Variants in NEK10 observed in about 807,000 individuals in gnomAD.
NEK10 encodes the protein NIMA related kinase 10, also known as serine/threonine-protein kinase Nek10.
NEK10 carries 122 observed loss-of-function variants against 159.8 expected under a neutral mutation model. The ratio of observed to expected loss-of-function variants is 0.76; its 90% CI spans 0.66 to 0.89. The LOEUF is 0.89. Among genes scored for constraint, NEK10 ranks in the 40% least tolerant of loss-of-function variants. The pLI, the probability that NEK10 is intolerant of heterozygous loss-of-function variation, is 0.00. For synonymous variants in NEK10, 466 were observed against 457.1 expected, an observed-to-expected ratio of 1.02 and a Z score of -0.25; for missense variants, 1,342 against 1,323.1, an observed-to-expected ratio of 1.01 and a Z score of -0.22.
intron 25 of NEK10, among the ~76,000 whole-genome samples, chr3:27,196,203 C>G (rs558539582): frequency 6.6e-6 from 1 of 152,316 alleles, no homozygotes; most frequent in Non-Finnish European, 1.5e-5. Flanking sequence ...CTGTTCTGCT[C>G]TGTTCTGATT....
chr3:27,335,185 C>T (rs2046708173), intron 5 of NEK10, among the ~76,000 whole-genome samples: 1 of 151,858 alleles, frequency 6.6e-6, no homozygotes, highest in Non-Finnish European at 1.5e-5. Flanking sequence ...CTAAAAACTA[C>T]AAAAATTAGC....
chr3:27,337,347 T>C (rs1317259391), intron 5 of NEK10, among the ~76,000 whole-genome samples: 2 of 152,122 alleles, frequency 1.3e-5, no homozygotes, highest in Admixed American at 1.3e-4. Context: ...AGACATTCCA[T>C]GCTCGTGGAT....
chr3:27,143,114 C>A (rs749223427), intron 30 of NEK10, among the ~76,000 whole-genome samples: 15 of 152,046 alleles, frequency 9.9e-5, no homozygotes, highest in Non-Finnish European at 2.2e-4. Context: ...GTGGAGATGG[C>A]CAAGTGTACA....
intron 32 of NEK10, among the ~76,000 whole-genome samples, chr3:27,120,380 G>T (rs1575380655): frequency 6.6e-6 from 1 of 151,096 alleles, no homozygotes; most frequent in East Asian, 2.0e-4. Flanking sequence ...CTGCAGTGCA[G>T]TGGCACAATC....
intron 32 of NEK10, among the ~76,000 whole-genome samples, chr3:27,130,308 C>T (rs1341296519): frequency 3.9e-5 from 6 of 152,092 alleles, no homozygotes; most frequent in African/African-American, 7.2e-5. Context: ...CATCTCCTAC[C>T]ACCCTACCAA....
At chr3:27,139,960 G>A (rs1283105739) in intron 31 of NEK10, among the ~76,000 whole-genome samples, 9 of 152,120 alleles carry the variant, frequency 5.9e-5, no homozygotes, top group Admixed American at 2.0e-4. Context: ...GTATGACACC[G>A]AACGATACAT....
At chr3:27,338,003 G>C (rs773429810) in intron 5 of NEK10, among the ~76,000 whole-genome samples, 13 of 152,078 alleles carry the variant, frequency 8.5e-5, no homozygotes, top group Non-Finnish European at 1.5e-4. Flanking sequence ...GTGCAGGTTT[G>C]TTACATGGGT....
intron 29 of NEK10, among the ~76,000 whole-genome samples, chr3:27,167,597 T>C (rs527457921): frequency 6.6e-6 from 1 of 152,212 alleles, no homozygotes; most frequent in Non-Finnish European, 1.5e-5. Flanking sequence ...AATGTGTATA[T>C]ACTAGGTCAG....
intron 23 of NEK10, among the ~76,000 whole-genome samples, chr3:27,232,806 G>A (rs1953448998): frequency 6.6e-6 from 1 of 151,822 alleles, no homozygotes; most frequent in Admixed American, 6.6e-5. Flanking sequence ...AACATAAATT[G>A]GGGGAAAGGA....
intron 11 of NEK10, among the ~76,000 whole-genome samples, chr3:27,307,082 T>G (rs896403364): frequency 2.6e-5 from 4 of 152,236 alleles, no homozygotes; most frequent in African/African-American, 9.7e-5. Context: ...TCTTCTACAC[T>G]ACATATTTAT....
intron 22 of NEK10, among the ~76,000 whole-genome samples, chr3:27,271,190 TCTATCTAC>T (rs1308721293): frequency 2.7e-5 from 4 of 147,326 alleles, no homozygotes; most frequent in African/African-American, 5.0e-5. Context: ...TATCTATCTA[TCTATCTAC>T]CTATCTATCT....
intron 1 of NEK10, among the ~76,000 whole-genome samples, chr3:27,360,142 C>A (rs1448543845): frequency 2.0e-5 from 3 of 152,088 alleles, no homozygotes; most frequent in Non-Finnish European, 4.4e-5. Context: ...TGATTTTATC[C>A]CTTATATTAC....
rs1950042820 is a variant in NEK10, at chr3:27,201,517, T to A, written c.2284A>T (p.Ile762Phe). The A allele has an allele frequency of 6.2e-7, 1 of 1,613,684 alleles. No homozygotes were observed. The highest frequency in any genetic ancestry group is 1.1e-5 in the South Asian group (1 of 91,048). ...GIYSEKVTDT[I>F]SRCLTPDAEA... Reference sequence around the variant, plus strand: ...AGCCGCAAGACTAATTACCTGCTGATGGTGTCTGTTACTTTTTCAGAGTAG... The same window carrying A: ...AGCCGCAAGACTAATTACCTGCTGAAGGTGTCTGTTACTTTTTCAGAGTAG... The change falls in exon 25 of 36, where the codon ATC (isoleucine) becomes TTC (phenylalanine). Residue 762 changes from isoleucine (I) to phenylalanine (F), a missense_variant. Coordinates refer to ENST00000691995, the MANE Select transcript of NEK10 (RefSeq NM_001394966.1).
At chr3:27,208,581 T>C (rs778244259) in intron 23 of NEK10, among the ~76,000 whole-genome samples, 3 of 151,978 alleles carry the variant, frequency 2.0e-5, no homozygotes, top group Non-Finnish European at 4.4e-5. Context: ...TCAGAATTGA[T>C]TGGATGTGGG....
At chr3:27,153,843 C>T (rs750796761) in intron 30 of NEK10, among the ~76,000 whole-genome samples, 1 of 152,104 alleles carries the variant, frequency 6.6e-6, no homozygotes, top group East Asian at 1.9e-4. Flanking sequence ...TAAACAACTA[C>T]ATCGAAAAGA....
chr3:27,305,874 C>G (rs2044206957), intron 11 of NEK10, among the ~76,000 whole-genome samples: 1 of 152,132 alleles, frequency 6.6e-6, no homozygotes, highest in African/African-American at 2.4e-5. Context: ...GTTTCATACT[C>G]TAAACACTCC....
Position 27,352,447 on chromosome 3 carries a change from AT to A in NEK10, c.132+17del. The A allele has an allele frequency of 3.2e-6, 5 of 1,583,414 alleles. No individual in the cohort carries two copies. Among genetic ancestry groups the A allele is most frequent in the Non-Finnish European group, 3.5e-6 (4 of 1,152,382 alleles). On this transcript the variant is annotated intron_variant, in intron 3 of 35. Transcript: ENST00000691995. ...ATTTTTCTTTTATTACCAAGTGAAC[AT>A]TCTTTGAAAACGCTACCTGTTGTTT...
chr3:27,176,870 G>A (rs1343232419), intron 26 of NEK10, among the ~76,000 whole-genome samples: 3 of 152,134 alleles, frequency 2.0e-5, no homozygotes, highest in African/African-American at 7.2e-5. Flanking sequence ...TTATTCTGTC[G>A]ATGCAATTAA....
intron 5 of NEK10, among the ~76,000 whole-genome samples, chr3:27,343,936 G>C (rs2047374202): frequency 6.6e-6 from 1 of 152,216 alleles, no homozygotes; most frequent in Non-Finnish European, 1.5e-5. Context: ...CACTGCAAAA[G>C]TGCAGCATAA....
Sources: gnomAD v4.1 joint callset for allele counts (sites outside exome capture counted in the v4.1 genomes callset) on GRCh38, gnomAD v4.1.1 for gene constraint, MANE v1.5 for transcripts, NCBI Gene and HGNC (gene_info 2026-07-23, HGNC 2026-07-21) for gene names.